Variants in GABPB1 observed in about 807,000 individuals in gnomAD.
GABPB1 encodes the protein GA-binding protein subunit beta-1.
A neutral mutation model predicts 45.9 loss-of-function variants in GABPB1; 15 were observed. The ratio of observed to expected loss-of-function variants is 0.33; its 90% CI spans 0.22 to 0.50. GABPB1 has a LOEUF of 0.50. Among genes scored for constraint, GABPB1 ranks in the 20% least tolerant of loss-of-function variants. GABPB1 has a pLI of 0.98. For synonymous variants in GABPB1, 143 were observed against 154.4 expected (o/e 0.93, Z 0.55); for missense variants, 252 against 457.5 (o/e 0.55, Z 4.10).
chr15:50,347,043 C>G lies in GABPB1; in HGVS notation c.-1+7942G>C, dbSNP rs180976408. ...GACCTCCTGATCCACCCACCTCAGCCTCCCAAAGTGCTGGGATTACAAGCA... is the reference window on the plus strand; with the variant it reads ...GACCTCCTGATCCACCCACCTCAGCGTCCCAAAGTGCTGGGATTACAAGCA... On this transcript the variant is annotated intron_variant, in intron 1 of 8. Coordinates refer to ENST00000380877, the MANE Select transcript of GABPB1 (RefSeq NM_016654.5). Among the ~76,000 whole-genome samples, 98 of 152,174 alleles carry G rather than the reference C, an allele frequency of 6.4e-4. No homozygotes were observed. In the East Asian group the frequency reaches 0.017, roughly 26 times the overall value.
chr15:50,352,164 G>T (rs943996074), intron 1 of GABPB1: 2 of 152,008 alleles, frequency 1.3e-5, no homozygotes, highest in Non-Finnish European at 2.9e-5. Context: ...AAAACTTCAT[G>T]TAATTTCTGA....
intron 1 of GABPB1, among the ~76,000 whole-genome samples, chr15:50,340,346 T>C (rs1332651088): frequency 6.6e-6 from 1 of 152,188 alleles, no homozygotes; most frequent in East Asian, 1.9e-4. Context: ...TGAAGTCTTC[T>C]TCACATATTT....
intron 1 of GABPB1, among the ~76,000 whole-genome samples, chr15:50,329,786 T>G (rs961207499): frequency 6.6e-6 from 1 of 152,216 alleles, no homozygotes; most frequent in Non-Finnish European, 1.5e-5. Flanking sequence ...GTATTTCCCA[T>G]ACCTTCTACC....
At chr15:50,327,836 T>C (rs1475077845) in intron 1 of GABPB1, among the ~76,000 whole-genome samples, 2 of 151,664 alleles carry the variant, frequency 1.3e-5, no homozygotes, top group Non-Finnish European at 2.9e-5. Context: ...GAGGTGGAGG[T>C]TGCAGTGAGC....
At chr15:50,298,092 TTTTG>T (rs1224515032) in intron 6 of GABPB1, among the ~76,000 whole-genome samples, 1 of 152,120 alleles carries the variant, frequency 6.6e-6, no homozygotes, top group Non-Finnish European at 1.5e-5. Flanking sequence ...TTGTTTTCGT[TTTTG>T]TTTTTTTGTT....
chr15:50,301,013 C>A, intron 5 of GABPB1, 111 bp from the exon 6 acceptor site: 2 of 817,030 alleles, frequency 2.4e-6, no homozygotes, highest in Non-Finnish European at 3.9e-6. Context: ...ATAGCATTAG[C>A]TTTTGAAAGG....
At chr15:50,339,429 G>T (rs963584182) in intron 1 of GABPB1, among the ~76,000 whole-genome samples, 2 of 151,920 alleles carry the variant, frequency 1.3e-5, no homozygotes, top group Non-Finnish European at 2.9e-5. Context: ...AACCTGGGAA[G>T]CAGAGGTTGC....
At chr15:50,325,156 G>C (rs2047705220) in intron 1 of GABPB1, among the ~76,000 whole-genome samples, 1 of 152,162 alleles carries the variant, frequency 6.6e-6, no homozygotes, top group Admixed American at 6.5e-5. Flanking sequence ...TGCTTTGAGA[G>C]TGTCAGGATG....
In GABPB1 at chr15:50,277,296, G is replaced by A. The variant is rs1227060974; in HGVS notation, c.*1336C>T. 2 of 152,014 alleles carry A rather than the reference G, an allele frequency of 1.3e-5. No homozygotes were observed. The highest frequency in any genetic ancestry group is 4.8e-5 in the African/African-American group (2 of 41,378). The allele number at this position is 152,014 out of a possible 1,614,324, so 9.4% of individuals were successfully genotyped here. A position where few individuals can be genotyped will look rare whatever the true frequency, so the allele number is the denominator to read the frequency against. ...ATTTAATTGCAAAATAGAAAAGTAG[G>A]CCAGAGTACAGTTTTAAGGGTAATT... On this transcript the variant is annotated 3_prime_UTR_variant, in exon 9 of 9. Coordinates refer to ENST00000380877, the MANE Select transcript of GABPB1 (RefSeq NM_016654.5).
Position 50,291,733 on chromosome 15 carries a change from AAC to A in GABPB1, c.698-2067_698-2066del, listed in dbSNP as rs367877622. ...CCAGGAGTTCAAGACCAGCCTGGGT[AAC>A]ACAGTGAAAAACTGTCTACAAAAAA... On this transcript the variant is annotated intron_variant, in intron 6 of 8. Coordinates refer to ENST00000380877, the MANE Select transcript of GABPB1 (RefSeq NM_016654.5). Among the ~76,000 whole-genome samples the A allele has an allele frequency of 2.4e-4, 36 of 152,024 alleles. 1 individual carries two copies. The East Asian group carries it at 5.9e-3, about 25-fold the overall frequency.
chr15:50,349,831 T>C (rs1012155628), intron 1 of GABPB1: 3 of 152,292 alleles, frequency 2.0e-5, no homozygotes, highest in Non-Finnish European at 2.9e-5. Context: ...TACAACATGA[T>C]AGATAATTTA....
chr15:50,292,740 G>A (rs1356089233), intron 6 of GABPB1, among the ~76,000 whole-genome samples: 1 of 152,124 alleles, frequency 6.6e-6, no homozygotes, highest in Non-Finnish European at 1.5e-5. Context: ...CTGTGGATAT[G>A]TAGAAGGCCA....
chr15:50,301,563 C>T (rs1306118793), intron 4 of GABPB1, among the ~76,000 whole-genome samples, 195 bp from the exon 5 acceptor site: 1 of 152,184 alleles, frequency 6.6e-6, no homozygotes, highest in African/African-American at 2.4e-5. Flanking sequence ...AAGTCCCCCT[C>T]TTAGGTAAAG....
intron 6 of GABPB1, among the ~76,000 whole-genome samples, chr15:50,298,333 C>T (rs2046598354): frequency 6.6e-6 from 1 of 152,094 alleles, no homozygotes; most frequent in Non-Finnish European, 1.5e-5. Flanking sequence ...TGATCTGCCA[C>T]CCTTAGCCTC....
chr15:50,282,226 T>C (rs1051427750), intron 8 of GABPB1: 8 of 446,286 alleles, frequency 1.8e-5, no homozygotes, highest in African/African-American at 8.3e-5. Flanking sequence ...AATACAAACA[T>C]ACATACATAC....
intron 1 of GABPB1, among the ~76,000 whole-genome samples, chr15:50,312,323 C>A (rs1307282813): frequency 1.3e-5 from 2 of 152,126 alleles, no homozygotes; most frequent in African/African-American, 4.8e-5. Flanking sequence ...ATACACTTCT[C>A]TGTGACACTC....
At chr15:50,309,153 C>T (rs191015569) in intron 2 of GABPB1, among the ~76,000 whole-genome samples, 4 of 152,038 alleles carry the variant, frequency 2.6e-5, no homozygotes, top group African/African-American at 9.7e-5. Flanking sequence ...CAAGACAATA[C>T]TTTTTTATTT....
intron 6 of GABPB1, among the ~76,000 whole-genome samples, chr15:50,292,846 A>ATGTGTGTGTGTGTG (rs3985830): frequency 4.7e-4 from 71 of 149,832 alleles, no homozygotes; most frequent in African/African-American, 1.4e-3. Flanking sequence ...AAGTGTGTAT[A>ATGTGTGTGTGTGTG]TGTGTGTGTG....
intron 1 of GABPB1, among the ~76,000 whole-genome samples, chr15:50,341,811 T>G (rs1320995662): frequency 1.3e-5 from 2 of 152,192 alleles, no homozygotes; most frequent in East Asian, 3.8e-4. Flanking sequence ...CTGACTGTTT[T>G]GGAATTATTG....
Sources: allele counts gnomAD v4.1 joint callset (sites outside exome capture counted in the v4.1 genomes callset), GRCh38; gene constraint gnomAD v4.1.1; transcripts MANE v1.5; gene names NCBI Gene and HGNC (gene_info 2026-07-23, HGNC 2026-07-21).